Variants in CPSF3 observed in about 807,000 individuals in gnomAD.
CPSF3 encodes the protein cleavage and polyadenylation specificity factor subunit 3.
In CPSF3, 57 loss-of-function variants were observed where a neutral mutation model predicts 84.1. The ratio of observed to expected loss-of-function variants is 0.68; its 90% CI spans 0.55 to 0.85. The LOEUF is 0.85. Among genes scored for constraint, CPSF3 ranks in the 40% least tolerant of loss-of-function variants. The pLI is 0.00. For synonymous variants in CPSF3, 275 were observed against 278.1 expected (o/e 0.99, Z 0.11); for missense variants, 522 against 838.8 (o/e 0.62, Z 4.66).
intron 15 of CPSF3, among the ~76,000 whole-genome samples, 191 bp downstream of exon 15, chr2:9,459,809 C>T (rs896207266): frequency 6.6e-6 from 1 of 151,666 alleles, no homozygotes; most frequent in Admixed American, 6.6e-5. Flanking sequence ...GCCACCACAC[C>T]CAGCTAATTT....
At chr2:9,459,138 G>C (rs548183485) in intron 14 of CPSF3, among the ~76,000 whole-genome samples, 1 of 151,560 alleles carries the variant, frequency 6.6e-6, no homozygotes, top group South Asian at 2.1e-4. Flanking sequence ...TACCCTCTTC[G>C]CATTCTGTCT....
rs149435550 is a variant in CPSF3 at position 9,431,965 on chromosome 2, C to T, written c.342-546C>T. On this transcript the variant is annotated intron_variant, in intron 4 of 17. Coordinates refer to ENST00000238112, the MANE Select transcript of CPSF3 (RefSeq NM_016207.4). Reference sequence around the variant, plus strand: ...CGAGGTTAGGTTATTTGCCTAAAATCGTCACAGTAAGAGACAGAGCAAGGA... The same window carrying T: ...CGAGGTTAGGTTATTTGCCTAAAATTGTCACAGTAAGAGACAGAGCAAGGA... Among the ~76,000 whole-genome samples the T allele has an allele frequency of 7.3e-4, 111 of 152,302 alleles. 1 individual carries two copies. Among genetic ancestry groups the T allele is most frequent in the African/African-American group, 2.5e-3 (105 of 41,562 alleles).
At chr2:9,428,892 T>A in intron 2 of CPSF3, 64 bp downstream of exon 2, 1 of 932,172 alleles carries the variant, frequency 1.1e-6, no homozygotes, top group Admixed American at 2.0e-5. Context: ...GTTAGTCTTT[T>A]CTCATAGACT....
intron 9 of CPSF3, among the ~76,000 whole-genome samples, chr2:9,442,794 G>A (rs995953736): frequency 6.6e-6 from 1 of 151,510 alleles, no homozygotes; most frequent in African/African-American, 2.4e-5. Context: ...GGAGGTTGCA[G>A]TCAGCCGAGA....
Position 9,459,537 on chromosome 2 carries a change from G to A in CPSF3, c.1705G>A (p.Ala569Thr). The part of the protein sequence containing the change: ...EPGMVVLEWL[A>T]NPSNDMYADT... ...TCTGCCTTTTGCTTTCCAGTGGCTG[G>A]CAAACCCTTCTAATGATATGTATGC... Residue 569 changes from alanine to threonine, a missense_variant, in exon 15 of 18, where the codon GCA becomes ACA. By Grantham distance (58) the Ala-to-Thr change is moderately conservative (BLOSUM62 0). Around this residue, in one of 2 missense-constraint regions of CPSF3, gnomAD observed 193 missense variants for 231.6 expected, o/e 0.83. Coordinates refer to ENST00000238112, the MANE Select transcript of CPSF3 (RefSeq NM_016207.4). 6.2e-7 allele frequency: 1 copy of A among 1,610,128 alleles called. No homozygotes were observed.
At chr2:9,440,156 T>G (rs1380809350) in intron 7 of CPSF3, among the ~76,000 whole-genome samples, 1 of 152,320 alleles carries the variant, frequency 6.6e-6, no homozygotes, top group Admixed American at 6.5e-5. Flanking sequence ...TCTAATACAT[T>G]TAAATAAAAA....
rs1352104779 is a variant in CPSF3 at position 9,437,415 on chromosome 2, A to G, written c.760+1054A>G. ...GGAGACTGTCTCAAAACAAACAAAC[A>G]AACAACAACAAAAAAAAAACTATAT... On this transcript the variant is annotated intron_variant, in intron 7 of 17. Coordinates refer to ENST00000238112, the MANE Select transcript of CPSF3 (RefSeq NM_016207.4). Among the ~76,000 whole-genome samples the G allele has an allele frequency of 2.0e-5, 3 of 152,038 alleles. No homozygotes were observed. In the East Asian group the frequency reaches 5.8e-4, roughly 29 times the overall value.
At chr2:9,445,246 T>A (rs1347993308) in intron 10 of CPSF3, among the ~76,000 whole-genome samples, 4 of 152,186 alleles carry the variant, frequency 2.6e-5, no homozygotes, top group Non-Finnish European at 4.4e-5. Flanking sequence ...ATAAGAGGAA[T>A]CATAATGCCT....
chr2:9,456,773 C>T (rs1280246678), intron 13 of CPSF3, among the ~76,000 whole-genome samples, 160 bp from the exon 14 acceptor site: 10 of 152,112 alleles, frequency 6.6e-5, no homozygotes, highest in Admixed American at 5.2e-4. Context: ...CAGACCTTTC[C>T]GTTGCTGTAC....
At chr2:9,459,673 G>C in intron 15 of CPSF3, 55 bp downstream of exon 15, 1 of 682,496 alleles carries the variant, frequency 1.5e-6, no homozygotes, top group East Asian at 3.2e-5. Context: ...TTTTGGAGAC[G>C]GATACTAGCT....
chr2:9,471,494 A>C, intron 17 of CPSF3, 55 bp downstream of exon 17: 1 of 1,060,854 alleles, frequency 9.4e-7, no homozygotes, highest in Non-Finnish European at 1.5e-6. Context: ...AAGTGAAGGC[A>C]TAAATAATCT....
chr2:9,463,806 C>T (rs1298537204), intron 15 of CPSF3, among the ~76,000 whole-genome samples: 1 of 152,198 alleles, frequency 6.6e-6, no homozygotes, highest in Non-Finnish European at 1.5e-5. Context: ...TACCGAAACA[C>T]AGCCGTGCGC....
chr2:9,455,818 A>C, intron 13 of CPSF3, 61 bp downstream of exon 13: 1 of 1,205,066 alleles, frequency 8.3e-7, no homozygotes, highest in Admixed American at 2.0e-5. Flanking sequence ...ATAATTTTCT[A>C]TCTAGAAAAG....
At chr2:9,454,328 A>C (rs1681437285) in intron 12 of CPSF3, among the ~76,000 whole-genome samples, 1 of 152,030 alleles carries the variant, frequency 6.6e-6, no homozygotes, top group South Asian at 2.1e-4. Flanking sequence ...GAGTTGCTTG[A>C]ATGCAGGAGG....
Position 9,472,939 on chromosome 2 carries a change from T to A in CPSF3, c.1977T>A (p.Ser659Arg). Residue 659 changes from serine to arginine, a missense_variant, in exon 18 of 18, where the codon AGT becomes AGA. Transcript: ENST00000238112. ...AGACTGTAGAATGTGAAGAGGGAAG[T>A]GAAGACGATGAATCCCTCCGAGAAA... ...ETRTVECEEG[S>R]EDDESLREMV... The A allele has an allele frequency of 6.2e-7, 1 of 1,613,602 alleles. No individual in the cohort carries two copies. Among genetic ancestry groups the A allele is most frequent in the Non-Finnish European group, 8.5e-7 (1 of 1,179,584 alleles).
intron 7 of CPSF3, among the ~76,000 whole-genome samples, chr2:9,438,013 A>G (rs142695529): frequency 1.3e-5 from 2 of 152,358 alleles, no homozygotes; most frequent in African/African-American, 4.8e-5. Context: ...AAAAAAAGCA[A>G]ATAATAAAAT....
intron 16 of CPSF3, among the ~76,000 whole-genome samples, chr2:9,468,833 G>T (rs80202404): frequency 4.1e-4 from 62 of 151,792 alleles, no homozygotes; most frequent in African/African-American, 7.7e-4. Context: ...TCACCATATT[G>T]GCCAGGCTGG....
At chr2:9,449,187 T>C (rs930336972) in intron 11 of CPSF3, among the ~76,000 whole-genome samples, 1 of 151,898 alleles carries the variant, frequency 6.6e-6, no homozygotes, top group African/African-American at 2.4e-5. Context: ...GAGACCAACC[T>C]GGCCAACATG....
intron 1 of CPSF3, 61 bp downstream of exon 1, chr2:9,423,884 G>T: frequency 4.4e-6 from 7 of 1,595,414 alleles, no homozygotes; most frequent in Non-Finnish European, 6.0e-6. Flanking sequence ...AGGGGTAACC[G>T]GAGACTGGCC....
Sources: allele counts gnomAD v4.1 joint callset (sites outside exome capture counted in the v4.1 genomes callset), GRCh38; gene constraint gnomAD v4.1.1; regional missense constraint gnomAD v4.1.1; transcripts MANE v1.5; gene names NCBI Gene and HGNC (gene_info 2026-07-23, HGNC 2026-07-21).